Variants in FHIT observed in about 807,000 individuals in gnomAD.
FHIT encodes bis(5'-adenosyl)-triphosphatase.
FHIT carries 19 observed loss-of-function variants against 17.9 expected under a neutral mutation model. That is an observed-to-expected ratio of 1.06 (90% CI 0.74 to 1.56). The LOEUF (loss-of-function observed/expected upper bound fraction) is 1.56, where lower values mean the gene tolerates loss of function less well. FHIT is among the 40% of genes most tolerant of loss of function. The pLI, the probability that FHIT is intolerant of heterozygous loss-of-function variation, is 0.00. For synonymous variants in FHIT, 81 were observed against 69.7 expected (o/e 1.16, Z -0.81); for missense variants, 248 against 189.2 (o/e 1.31, Z -1.82).
At chr3:59,906,040 T>C (rs1215769466) in intron 8 of FHIT, among the ~76,000 whole-genome samples, 2 of 152,334 alleles carry the variant, frequency 1.3e-5, no homozygotes, top group South Asian at 2.1e-4. Flanking sequence ...TGTTCAATTA[T>C]TGGCTCCCTA....
chr3:60,171,021 T>G (rs1348912193), intron 5 of FHIT, among the ~76,000 whole-genome samples: 1 of 152,114 alleles, frequency 6.6e-6, no homozygotes, highest in East Asian at 1.9e-4. Context: ...AGGCCCAACT[T>G]TCTATCCCCA....
chr3:60,011,391 CG>C lies in FHIT; in HGVS notation c.258del (p.Glu87LysfsTer6), dbSNP rs1161670815. ...TSLTFSMQDGPEAGQTVKHVH... is the reference protein window; with the variant it reads ...TSLTFSMQDGXEAGQTVKHVH... ...CTCACCTTCACAGTCTGTCCGGCTT[CG>C]GGGCCATCCTAGAAGTAGGAAAAAA... is the stretch of plus-strand genomic sequence containing the variant. On this transcript the variant is annotated frameshift_variant, in exon 7 of 10. Transcript: ENST00000492590. LOFTEE classifies it high-confidence loss of function. The C allele has an allele frequency of 2.5e-6, 4 of 1,613,340 alleles. No individual in the cohort carries two copies. The highest frequency in any genetic ancestry group is 3.4e-6 in the Non-Finnish European group (4 of 1,179,524).
intron 7 of FHIT, among the ~76,000 whole-genome samples, chr3:59,955,351 G>A (rs138782951): frequency 2.0e-5 from 3 of 152,068 alleles, no homozygotes; most frequent in Non-Finnish European, 4.4e-5. Context: ...GATGTTCCTC[G>A]GTCTCCATTG....
At chr3:60,703,395 A>G (rs1201512229) in intron 4 of FHIT, among the ~76,000 whole-genome samples, 1 of 152,228 alleles carries the variant, frequency 6.6e-6, no homozygotes, top group Admixed American at 6.5e-5. Flanking sequence ...GTAATTTGTT[A>G]TGGTGGTTTT....
intron 7 of FHIT, among the ~76,000 whole-genome samples, chr3:60,001,410 T>C (rs1469453443): frequency 2.0e-5 from 3 of 152,172 alleles, no homozygotes; most frequent in African/African-American, 7.2e-5. Context: ...TCAGAGCCTG[T>C]GACGATATCT....
At chr3:60,926,369 G>C (rs1201710140) in intron 3 of FHIT, among the ~76,000 whole-genome samples, 2 of 152,192 alleles carry the variant, frequency 1.3e-5, no homozygotes, top group African/African-American at 4.8e-5. Context: ...TCAGATCACA[G>C]TGCAATCAAA....
chr3:60,177,247 T>A (rs1235281387), intron 5 of FHIT, among the ~76,000 whole-genome samples: 2 of 142,416 alleles, frequency 1.4e-5, no homozygotes, highest in Non-Finnish European at 1.5e-5. Flanking sequence ...GTCAGGGAAA[T>A]AATACAATAA....
intron 5 of FHIT, among the ~76,000 whole-genome samples, chr3:60,515,599 C>T (rs1051459253): frequency 6.7e-6 from 1 of 149,050 alleles, no homozygotes; most frequent in African/African-American, 2.4e-5. Flanking sequence ...AAAATGTTCA[C>T]GGAAATAAGA....
chr3:60,717,597 C>T (rs555244579), intron 4 of FHIT, among the ~76,000 whole-genome samples: 6 of 152,212 alleles, frequency 3.9e-5, no homozygotes, highest in Middle Eastern at 3.4e-3. Flanking sequence ...ATACAGTTAG[C>T]GAAGATTTGA....
chr3:60,959,042 C>T (rs1330435691), intron 3 of FHIT, among the ~76,000 whole-genome samples: 2 of 152,174 alleles, frequency 1.3e-5, no homozygotes, highest in African/African-American at 4.8e-5. Context: ...TTAACTTAAG[C>T]AGGTTTCCTT....
At chr3:60,099,497 G>A (rs567581649) in intron 5 of FHIT, among the ~76,000 whole-genome samples, 1 of 152,140 alleles carries the variant, frequency 6.6e-6, no homozygotes, top group African/African-American at 2.4e-5. Context: ...TTTAGAGCTG[G>A]GCTGTTAACC....
At chr3:60,024,846 A>G (rs1700680718) in intron 5 of FHIT, among the ~76,000 whole-genome samples, 1 of 152,214 alleles carries the variant, frequency 6.6e-6, no homozygotes, top group Non-Finnish European at 1.5e-5. Context: ...ATGCATGGAG[A>G]AGCCACTGAA....
At chr3:60,975,547 A>G (rs539721974) in intron 3 of FHIT, among the ~76,000 whole-genome samples, 2 of 152,346 alleles carry the variant, frequency 1.3e-5, no homozygotes, top group Admixed American at 1.3e-4. Flanking sequence ...CAAATGAGAA[A>G]TCAAAAGAAC....
intron 4 of FHIT, among the ~76,000 whole-genome samples, chr3:60,540,182 G>C (rs1348874918): frequency 1.3e-5 from 2 of 152,128 alleles, no homozygotes; most frequent in Non-Finnish European, 2.9e-5. Flanking sequence ...TGAACACGCA[G>C]AAGTTCCTGA....
At chr3:60,413,247 G>A (rs1426992547) in intron 5 of FHIT, among the ~76,000 whole-genome samples, 1 of 152,014 alleles carries the variant, frequency 6.6e-6, no homozygotes. Context: ...TAAATAGAAG[G>A]GAAAGACATC....
intron 3 of FHIT, among the ~76,000 whole-genome samples, chr3:61,011,502 G>A (rs1375607717): frequency 6.6e-6 from 1 of 151,926 alleles, no homozygotes; most frequent in Non-Finnish European, 1.5e-5. Flanking sequence ...ACACTAAATG[G>A]CCCTAACTTA....
At chr3:61,012,834 T>C (rs2031871634) in intron 3 of FHIT, among the ~76,000 whole-genome samples, 1 of 151,950 alleles carries the variant, frequency 6.6e-6, no homozygotes, top group South Asian at 2.1e-4. Context: ...AAAAATTTAA[T>C]GTTCTGAGAC....
At chr3:60,791,546 T>C (rs1553728464) in intron 4 of FHIT, among the ~76,000 whole-genome samples, 2 of 152,208 alleles carry the variant, frequency 1.3e-5, no homozygotes, top group Admixed American at 1.3e-4. Context: ...TGTTAGAACA[T>C]GCAACATGCT....
At chr3:60,750,890 C>G (rs1553716640) in intron 4 of FHIT, among the ~76,000 whole-genome samples, 1 of 152,158 alleles carries the variant, frequency 6.6e-6, no homozygotes, top group African/African-American at 2.4e-5. Context: ...CTTCATCCTC[C>G]CATAGAAACA....
Sources: gnomAD v4.1 joint callset for allele counts (sites outside exome capture counted in the v4.1 genomes callset) on GRCh38, gnomAD v4.1.1 for gene constraint, MANE v1.5 for transcripts, NCBI Gene and HGNC (gene_info 2026-07-23, HGNC 2026-07-21) for gene names.